KIDINS220: variants seen among roughly 807,000 people sequenced by gnomAD.
KIDINS220 encodes kinase D interacting substrate 220.
A neutral mutation model predicts 157.6 loss-of-function variants in KIDINS220; 63 were observed. The ratio of observed to expected loss-of-function variants is 0.40; its 90% confidence interval spans 0.33 to 0.49. The LOEUF (loss-of-function observed/expected upper bound fraction) is 0.49, where lower values mean the gene tolerates loss of function less well. Ranked by LOEUF, KIDINS220 falls within the 20% of genes least tolerant of loss-of-function variation. The pLI is 0.66. For missense variants in KIDINS220, 1,772 were observed against 2,171.2 expected (o/e 0.82, Z 3.65); for synonymous variants, 732 against 783.6 (o/e 0.93, Z 1.10).
At chr2:8,797,005 C>A in intron 10 of KIDINS220, 136 bp from the exon 11 acceptor site, 10 of 692,576 alleles carry the variant, frequency 1.4e-5, no homozygotes, top group Admixed American at 1.3e-4. Flanking sequence ...AACATAAAAG[C>A]TAACAACAAA....
chr2:8,787,669 T>C (rs1056244542), intron 15 of KIDINS220, among the ~76,000 whole-genome samples: 1 of 152,002 alleles, frequency 6.6e-6, no homozygotes, highest in African/African-American at 2.4e-5. Context: ...TCTGGCTTAA[T>C]ACATTTTAAA....
chr2:8,812,383 C>A lies in KIDINS220; in HGVS notation c.504+12G>T. On this transcript the variant is annotated intron_variant, in intron 6 of 29. Coordinates refer to ENST00000256707, the MANE Select transcript of KIDINS220 (RefSeq NM_020738.4). ...ACATGGACTGGAACCTGAAAAGATGCTGCTGACCTACCTTATCAGAGCAGT... is the reference window on the plus strand; with the variant it reads ...ACATGGACTGGAACCTGAAAAGATGATGCTGACCTACCTTATCAGAGCAGT... The A allele has an allele frequency of 6.6e-7, 1 of 1,518,110 alleles. No homozygotes were observed. Among genetic ancestry groups the A allele is most frequent in the South Asian group, 1.2e-5 (1 of 83,188 alleles). The allele number at this position is 1,518,110 out of a possible 1,614,324, so 94.0% of individuals were successfully genotyped here. A position where few individuals can be genotyped will look rare whatever the true frequency, so the allele number is the denominator to read the frequency against.
intron 18 of KIDINS220, among the ~76,000 whole-genome samples, 188 bp from the exon 19 acceptor site, chr2:8,779,327 A>G (rs956869948): frequency 3.3e-5 from 5 of 152,256 alleles, no homozygotes; most frequent in Admixed American, 3.3e-4. Flanking sequence ...GTCATCTGAC[A>G]TAGATAAAAC....
At chr2:8,782,811 A>G (rs1446469204) in intron 17 of KIDINS220, among the ~76,000 whole-genome samples, 1 of 152,234 alleles carries the variant, frequency 6.6e-6, no homozygotes, top group Non-Finnish European at 1.5e-5. Context: ...AAATGTATAA[A>G]AAGAATTATA....
chr2:8,812,917 C>A (rs1426251200), intron 5 of KIDINS220, among the ~76,000 whole-genome samples: 1 of 152,100 alleles, frequency 6.6e-6, no homozygotes, highest in Non-Finnish European at 1.5e-5. Flanking sequence ...GTAAATGTTT[C>A]TTTTCTTTAA....
At position 8,731,379 on chromosome 2, in the gene KIDINS220, G is replaced by A. The variant is rs375631503; in HGVS notation, c.4657C>T (p.Pro1553Ser). ...RKAEGKVERV[P>S]KSPEHSAEPI... is the part of the protein sequence containing the mutation. ...TCAGCACTGTGTTCTGGAGACTTCGGCACTCTCTCTACTTTCCCTTCGGCT... is the reference window on the plus strand; with the variant it reads ...TCAGCACTGTGTTCTGGAGACTTCGACACTCTCTCTACTTTCCCTTCGGCT... The change falls in exon 30 of 30, where the codon CCG becomes TCG. Residue 1553 changes from proline to serine, a missense_variant. Around this residue, in one of 3 missense-constraint regions of KIDINS220, gnomAD observed 793 missense variants for 885.5 expected, o/e 0.90. Coordinates refer to ENST00000256707, the MANE Select transcript of KIDINS220 (RefSeq NM_020738.4). This position sits in a 1 kb window ranked among gnomAD's most constrained non-coding sequence, Gnocchi z 5.2. 5 of 1,614,152 alleles carry A rather than the reference G, an allele frequency of 3.1e-6. No homozygotes were observed. The highest frequency in any genetic ancestry group is 4.2e-6 in the Non-Finnish European group (5 of 1,180,018).
intron 26 of KIDINS220, among the ~76,000 whole-genome samples, chr2:8,738,760 G>C (rs974644390): frequency 1.3e-5 from 2 of 152,142 alleles, no homozygotes; most frequent in Non-Finnish European, 2.9e-5. Context: ...TTGAATCCTG[G>C]ACCAGAAAAA....
intron 23 of KIDINS220, among the ~76,000 whole-genome samples, chr2:8,750,941 C>T (rs1189738341): frequency 1.3e-5 from 2 of 152,176 alleles, no homozygotes; most frequent in East Asian, 1.9e-4. Context: ...TGTGTGTGCA[C>T]GTGCACAGAG....
At chr2:8,810,370 C>T (rs1400105434) in intron 6 of KIDINS220, among the ~76,000 whole-genome samples, 1 of 152,194 alleles carries the variant, frequency 6.6e-6, no homozygotes, top group African/African-American at 2.4e-5. Flanking sequence ...TCTCAAAATG[C>T]TAATGAGTGA....
chr2:8,792,874 T>A (rs1673396020), intron 12 of KIDINS220, among the ~76,000 whole-genome samples: 1 of 152,190 alleles, frequency 6.6e-6, no homozygotes, highest in Non-Finnish European at 1.5e-5. Context: ...TACAAAGGTG[T>A]TCACTGCAGC....
chr2:8,806,544 G>A (rs1317616290), intron 6 of KIDINS220, among the ~76,000 whole-genome samples, 175 bp from the exon 7 acceptor site: 2 of 152,052 alleles, frequency 1.3e-5, no homozygotes, highest in Admixed American at 6.5e-5. Flanking sequence ...TTTCTCCTGA[G>A]TAGATTAACC....
chr2:8,826,055 G>C (rs1678768548), intron 2 of KIDINS220: 1 of 152,010 alleles, frequency 6.6e-6, no homozygotes, highest in African/African-American at 2.4e-5. Flanking sequence ...CTGTACACCA[G>C]CCTGGGTGAC....
Position 8,789,880 on chromosome 2 carries a change from TA to T in KIDINS220, c.1620del (p.Phe540LeufsTer38), listed in dbSNP as rs1232138942. ...LSFLALLYIF[F>X]IVIYFGGRRE... ...AAAAAGATAAAAAGCAAAGACTTAC[TA>T]AAGAATATATATAAGAGAGCCAAGA... is the stretch of plus-strand genomic sequence containing the variant. On this transcript the variant is annotated frameshift_variant and splice_region_variant, in exon 14 of 30. Coordinates refer to ENST00000256707, the MANE Select transcript of KIDINS220 (RefSeq NM_020738.4). LOFTEE classifies it high-confidence loss of function. 1 of 1,582,118 alleles carries T rather than the reference TA, an allele frequency of 6.3e-7. No individual in the cohort carries two copies. Among genetic ancestry groups the T allele is most frequent in the Non-Finnish European group, 8.5e-7 (1 of 1,169,876 alleles).
At chr2:8,761,057 T>A (rs1334482470) in intron 22 of KIDINS220, among the ~76,000 whole-genome samples, 1 of 152,192 alleles carries the variant, frequency 6.6e-6, no homozygotes, top group Non-Finnish European at 1.5e-5. Context: ...CTTTTTGGCA[T>A]CAAGAGTTTA....
rs942928044 is a variant in KIDINS220, at chr2:8,729,246, T to C, written c.*1474A>G. On this transcript the variant is annotated 3_prime_UTR_variant, in exon 30 of 30. Transcript: ENST00000256707. ...AGATTACACTCAAACATCAAGGCAA[T>C]GAAACACAAAAGAGCAACTATTTAG... 1.6e-4 allele frequency: 161 copies of C among 985,186 alleles called. 1 individual carries two copies. Among genetic ancestry groups the C allele is most frequent in the Non-Finnish European group, 1.9e-4 (156 of 829,820 alleles). The allele number at this position is 985,186 out of a possible 1,614,324, so 61.0% of individuals were successfully genotyped here. A position where few individuals can be genotyped will look rare whatever the true frequency, so the allele number is the denominator to read the frequency against.
chr2:8,832,296 G>A (rs1400749641), intron 1 of KIDINS220, among the ~76,000 whole-genome samples: 2 of 152,176 alleles, frequency 1.3e-5, no homozygotes, highest in Admixed American at 1.3e-4. Flanking sequence ...CACTGACAGT[G>A]TTTAATAAAT....
At position 8,778,972 on chromosome 2, in the gene KIDINS220, A is replaced by C; in HGVS notation, c.2538T>G (p.Ser846Arg). The C allele has an allele frequency of 6.2e-7, 1 of 1,614,148 alleles. No individual in the cohort carries two copies. Among genetic ancestry groups the C allele is most frequent in the Non-Finnish European group, 8.5e-7 (1 of 1,180,002 alleles). ...ATTTTCTTGCATTGCTTAGTCCACG[A>C]CTATTAAGGAACACAGGCAAGTGGA... ...NIVHLPVFLN[S>R]RGLSNARKFL... The change falls in exon 19 of 30, where the codon AGT (serine) becomes AGG (arginine). Residue 846 changes from serine (S) to arginine (R), a missense_variant. Physicochemically the swap from Ser to Arg is moderately radical, Grantham distance 110. Around this residue, in one of 3 missense-constraint regions of KIDINS220, gnomAD observed 725 missense variants for 1,017.1 expected, o/e 0.71. Coordinates refer to ENST00000256707, the MANE Select transcript of KIDINS220 (RefSeq NM_020738.4).
chr2:8,809,124 G>A (rs1675927438), intron 6 of KIDINS220, among the ~76,000 whole-genome samples: 1 of 152,262 alleles, frequency 6.6e-6, no homozygotes, highest in East Asian at 1.9e-4. Context: ...GGGCTCAAGT[G>A]ATTCTCCCGC....
intron 6 of KIDINS220, among the ~76,000 whole-genome samples, chr2:8,812,163 T>C (rs1676419094): frequency 6.6e-6 from 1 of 152,198 alleles, no homozygotes; most frequent in South Asian, 2.1e-4. Flanking sequence ...GTTATCCCGG[T>C]CAGTTTTCTT....
Sources: allele counts gnomAD v4.1 joint callset (sites outside exome capture counted in the v4.1 genomes callset), GRCh38; gene constraint gnomAD v4.1.1; regional missense constraint gnomAD v4.1.1; non-coding constraint Gnocchi (gnomAD v3.1); transcripts MANE v1.5; gene names NCBI Gene and HGNC (gene_info 2026-07-23, HGNC 2026-07-21).